GALNTL6: variants seen among roughly 807,000 people sequenced by gnomAD.
GALNTL6 encodes the protein polypeptide N-acetylgalactosaminyltransferase-like 6.
GALNTL6 carries 46 observed loss-of-function variants against 73.7 expected under a neutral mutation model. That is an observed-to-expected ratio of 0.62 (90% CI 0.49 to 0.80). The LOEUF (loss-of-function observed/expected upper bound fraction) is 0.80. Among genes scored for constraint, GALNTL6 ranks in the 30% least tolerant of loss-of-function variants. GALNTL6 has a pLI of 0.00. For synonymous variants in GALNTL6, 259 were observed against 263.7 expected (o/e 0.98, Z 0.17); for missense variants, 604 against 755.0 (o/e 0.80, Z 2.34).
intron 2 of GALNTL6, among the ~76,000 whole-genome samples, chr4:172,049,382 A>T (rs559170936): frequency 3.3e-5 from 5 of 152,298 alleles, no homozygotes; most frequent in African/African-American, 1.2e-4. Context: ...TATCTTTATT[A>T]AACTCCTGCC....
intron 5 of GALNTL6, among the ~76,000 whole-genome samples, chr4:172,589,430 T>A (rs1296902017): frequency 6.6e-6 from 1 of 152,206 alleles, no homozygotes; most frequent in African/African-American, 2.4e-5. Context: ...AAAGAAGTAT[T>A]GGATCTCAGT....
Position 172,698,971 on chromosome 4 carries a change from A to T in GALNTL6, c.554-110390A>T, listed in dbSNP as rs112643028. On this transcript the variant is annotated intron_variant, in intron 5 of 12. Transcript: ENST00000506823. ...ACCATAAATTGGGTAGCTTATAAAC[A>T]ACAAAAATTTATTTCTCATAGTTCG... Among the ~76,000 whole-genome samples, 505 of 152,228 alleles carry T rather than the reference A, an allele frequency of 3.3e-3. 4 individuals carry two copies. The highest frequency in any genetic ancestry group is 4.9e-3 in the Non-Finnish European group (333 of 68,004).
At chr4:172,964,182 GCCT>G in intron 10 of GALNTL6, among the ~76,000 whole-genome samples, 1 of 152,280 alleles carries the variant, frequency 6.6e-6, no homozygotes, top group South Asian at 2.1e-4. Flanking sequence ...CATATGGAGT[GCCT>G]CTTTTTGTGT....
chr4:172,594,353 T>C (rs987542895), intron 5 of GALNTL6, among the ~76,000 whole-genome samples: 1 of 151,994 alleles, frequency 6.6e-6, no homozygotes, highest in East Asian at 1.9e-4. Flanking sequence ...TCAAAAAAAG[T>C]AAAAAGAAAT....
At chr4:172,208,860 C>A (rs1041218683) in intron 2 of GALNTL6, among the ~76,000 whole-genome samples, 1 of 151,984 alleles carries the variant, frequency 6.6e-6, no homozygotes, top group East Asian at 1.9e-4. Flanking sequence ...AACCGAAGAA[C>A]CATTATCTTC....
intron 5 of GALNTL6, among the ~76,000 whole-genome samples, chr4:172,455,242 C>T (rs1286143087): frequency 2.6e-5 from 4 of 152,218 alleles, no homozygotes; most frequent in Non-Finnish European, 5.9e-5. Context: ...TGGGTGCCTA[C>T]ACCACCAGGG....
intron 5 of GALNTL6, among the ~76,000 whole-genome samples, chr4:172,538,115 T>C (rs1345489004): frequency 6.6e-6 from 1 of 152,116 alleles, no homozygotes; most frequent in Non-Finnish European, 1.5e-5. Flanking sequence ...TAAGATTTCA[T>C]CATTGGCTGT....
intron 10 of GALNTL6, among the ~76,000 whole-genome samples, chr4:172,980,422 T>C (rs992289392): frequency 2.0e-5 from 3 of 152,234 alleles, no homozygotes; most frequent in African/African-American, 7.2e-5. Context: ...TAGAGCCATC[T>C]TTATTAGTCA....
At chr4:172,391,545 G>C (rs1385303012) in intron 5 of GALNTL6, among the ~76,000 whole-genome samples, 1 of 152,030 alleles carries the variant, frequency 6.6e-6, no homozygotes, top group African/African-American at 2.4e-5. Flanking sequence ...TCATTCACAA[G>C]TGGAAGAGGC....
chr4:172,141,905 A>C (rs891429193), intron 2 of GALNTL6, among the ~76,000 whole-genome samples: 1 of 125,624 alleles, frequency 8.0e-6, no homozygotes, highest in African/African-American at 2.7e-5. Context: ...ACACACACAC[A>C]CACACACCCC....
intron 8 of GALNTL6, among the ~76,000 whole-genome samples, chr4:172,914,476 C>T (rs1747391157): frequency 2.0e-5 from 3 of 152,102 alleles, no homozygotes; most frequent in African/African-American, 7.2e-5. Flanking sequence ...GAGTCAAGAC[C>T]CATCAGTGTG....
chr4:172,081,889 T>A (rs567497867), intron 2 of GALNTL6, among the ~76,000 whole-genome samples: 265 of 150,304 alleles, frequency 1.8e-3, no homozygotes, highest in African/African-American at 6.0e-3. Context: ...TTTTTTTTTT[T>A]AAATTGAGAC....
At chr4:172,103,947 CTCT>C (rs1472330316) in intron 2 of GALNTL6, among the ~76,000 whole-genome samples, 1 of 123,548 alleles carries the variant, frequency 8.1e-6, no homozygotes, top group Non-Finnish European at 1.7e-5. Flanking sequence ...TTTTCTTTTT[CTCT>C]TTTTTTTTTT....
chr4:172,939,650 C>T (rs547635884), intron 9 of GALNTL6, among the ~76,000 whole-genome samples: 12 of 152,250 alleles, frequency 7.9e-5, no homozygotes, highest in South Asian at 4.2e-4. Context: ...TAGATCAAGC[C>T]GCCCCTTTGT....
At position 172,070,713 on chromosome 4, in the gene GALNTL6, G is replaced by A. The variant is rs1462152160; in HGVS notation, c.139-158943G>A. Among the ~76,000 whole-genome samples the A allele has an allele frequency of 4.6e-5, 5 of 109,554 alleles. 2 individuals are homozygous for A. Among genetic ancestry groups the A allele is most frequent in the Non-Finnish European group, 1.0e-4 (5 of 49,386 alleles). The allele number at this position is 109,554 out of a possible 152,430, so 71.9% of individuals were successfully genotyped here. On this transcript the variant is annotated intron_variant, in intron 2 of 12. Transcript: ENST00000506823. Reference sequence around the variant, plus strand: ...ACCCAGTCTGTGATAGTCTGTTATAGCAACAGAAAACAAAGTAAGACAGAT... The same window carrying A: ...ACCCAGTCTGTGATAGTCTGTTATAACAACAGAAAACAAAGTAAGACAGAT...
rs559628198 is a variant in GALNTL6, at chr4:171,972,215, A to ATG, written c.138+157506_138+157507dup. Among the ~76,000 whole-genome samples, 521 of 152,254 alleles carry ATG rather than the reference A, an allele frequency of 3.4e-3. 7 individuals are homozygous for ATG. The highest frequency in any genetic ancestry group is 0.012 in the African/African-American group (490 of 41,538). ...ATGCCATATATGTTCATACATATATATGTGTGTGTGCATATAGCACATTAG... is the reference window on the plus strand; with the variant it reads ...ATGCCATATATGTTCATACATATATATGTGTGTGTGTGCATATAGCACATTAG... On this transcript the variant is annotated intron_variant, in intron 2 of 12. Transcript: ENST00000506823.
At chr4:172,750,677 T>C (rs1418004273) in intron 5 of GALNTL6, among the ~76,000 whole-genome samples, 1 of 152,236 alleles carries the variant, frequency 6.6e-6, no homozygotes, top group Non-Finnish European at 1.5e-5. Context: ...TTTCTTTTTA[T>C]ACATTGAGAA....
At chr4:173,012,517 TAGG>T (rs1298810872) in intron 11 of GALNTL6, among the ~76,000 whole-genome samples, 2 of 152,228 alleles carry the variant, frequency 1.3e-5, no homozygotes, top group Non-Finnish European at 1.5e-5. Context: ...CATGGTATTC[TAGG>T]AGGACTGTGG....
chr4:172,633,416 T>C (rs558380133), intron 5 of GALNTL6, among the ~76,000 whole-genome samples: 2 of 152,362 alleles, frequency 1.3e-5, no homozygotes, highest in African/African-American at 4.8e-5. Flanking sequence ...CTGCTGGATT[T>C]TGAAGTTGCA....
Sources: gnomAD v4.1 joint callset for allele counts (sites outside exome capture counted in the v4.1 genomes callset) on GRCh38, gnomAD v4.1.1 for gene constraint, MANE v1.5 for transcripts, NCBI Gene and HGNC (gene_info 2026-07-23, HGNC 2026-07-21) for gene names.